ZSCAN25: variants seen among roughly 807,000 people sequenced by gnomAD.
ZSCAN25 encodes zinc finger and SCAN domain-containing protein 25.
A neutral mutation model predicts 38.7 loss-of-function variants in ZSCAN25; 27 were observed. The ratio of observed to expected loss-of-function variants is 0.70; its 90% CI spans 0.51 to 0.96. The LOEUF is 0.96. Ranked by LOEUF, ZSCAN25 falls within the 40% of genes least tolerant of loss-of-function variation. The pLI, the probability that ZSCAN25 is intolerant of heterozygous loss-of-function variation, is 0.00. For missense variants in ZSCAN25, 637 were observed against 705.9 expected (o/e 0.90, Z 1.11); for synonymous variants, 273 against 277.7 (o/e 0.98, Z 0.17).
the ZSCAN25 span, among the ~76,000 whole-genome samples, chr7:99,679,554 A>G: frequency 6.6e-6 from 1 of 152,192 alleles, no homozygotes; most frequent in Non-Finnish European, 1.5e-5. Context: ...AGTCTTCGTC[A>G]GATCTAAGCT....
chr7:99,737,299 C>T, the ZSCAN25 span, among the ~76,000 whole-genome samples: 1 of 152,114 alleles, frequency 6.6e-6, no homozygotes, highest in African/African-American at 2.4e-5. Flanking sequence ...ACCTGCCATT[C>T]CTTGCTAAGC....
At chr7:99,666,633 T>C in the ZSCAN25 span, 1 of 1,613,984 alleles carries the variant, frequency 6.2e-7, no homozygotes, top group Non-Finnish European at 8.5e-7. Context: ...CTTTCTCTGC[T>C]TCCCGCCTCA....
At chr7:99,694,731 A>C in the ZSCAN25 span, among the ~76,000 whole-genome samples, 9 of 146,746 alleles carry the variant, frequency 6.1e-5, no homozygotes, top group Non-Finnish European at 1.2e-4. Context: ...AACAAGCCTC[A>C]GGTATGCGGG....
the ZSCAN25 span, among the ~76,000 whole-genome samples, chr7:99,730,300 A>T: frequency 4.6e-4 from 70 of 152,334 alleles, no homozygotes; most frequent in African/African-American, 1.6e-3. Context: ...TTGTGTAAAA[A>T]ATAAACCCAT....
chr7:99,639,940 G>A, the ZSCAN25 span, among the ~76,000 whole-genome samples: 8 of 152,068 alleles, frequency 5.3e-5, no homozygotes, highest in African/African-American at 1.4e-4. Flanking sequence ...AGTGGCATGC[G>A]TCTGTAGTCC....
the ZSCAN25 span, chr7:99,715,711 T>C: frequency 6.8e-6 from 11 of 1,613,000 alleles, no homozygotes; most frequent in Non-Finnish European, 9.3e-6. Context: ...AATAAAGCAG[T>C]TATTTTTAAG....
At chr7:99,618,808 G>C (rs1806684014) in intron 2 of ZSCAN25, among the ~76,000 whole-genome samples, 157 bp downstream of exon 2, 1 of 152,168 alleles carries the variant, frequency 6.6e-6, no homozygotes, top group Non-Finnish European at 1.5e-5. Flanking sequence ...TCTGGTTTCT[G>C]TCTGCCTCTG....
chr7:99,717,291 A>G, the ZSCAN25 span: 3 of 1,613,638 alleles, frequency 1.9e-6, no homozygotes, highest in East Asian at 2.2e-5. Context: ...AACACCACCC[A>G]TAGTTAAATG....
the ZSCAN25 span, chr7:99,671,949 G>T: frequency 1.5e-6 from 1 of 677,602 alleles, no homozygotes; most frequent in South Asian, 1.6e-5. Context: ...ATGTAAAACT[G>T]GTGAAATCTG....
In ZSCAN25 at chr7:99,629,065, T is replaced by TG; in HGVS notation, c.806-126_806-125insG. On this transcript the variant is annotated intron_variant, in intron 7 of 7. Transcript: ENST00000394152. This position sits in a 1 kb window ranked among gnomAD's most constrained non-coding sequence, Gnocchi z 5.6. ...GAAAAAGAAGTAAGGAAAGCCTGAGTTGAGGTTGTTGGTCAAAGGAAAAAA... is the reference window on the plus strand; with the variant it reads ...GAAAAAGAAGTAAGGAAAGCCTGAGTGTGAGGTTGTTGGTCAAAGGAAAAAA... 3.6e-5 allele frequency: 47 copies of TG among 1,303,718 alleles called. No homozygotes were observed. Among genetic ancestry groups the TG allele is most frequent in the Admixed American group, 1.7e-4 (6 of 35,956 alleles). The allele number at this position is 1,303,718 out of a possible 1,614,324, so 80.8% of individuals were successfully genotyped here.
chr7:99,677,764 A>G, the ZSCAN25 span, among the ~76,000 whole-genome samples: 65 of 152,334 alleles, frequency 4.3e-4, no homozygotes, highest in African/African-American at 1.4e-3. Context: ...TTCCCACTTC[A>G]GTTCCCTCCT....
downstream of ZSCAN25, among the ~76,000 whole-genome samples, chr7:99,633,836 C>T (rs1025807897): frequency 6.6e-6 from 1 of 152,232 alleles, no homozygotes; most frequent in African/African-American, 2.4e-5. Flanking sequence ...TGGACCTTGG[C>T]TCCTGAATCC....
At position 99,622,554 on chromosome 7, in the gene ZSCAN25, C is replaced by T. The variant is rs137966152; in HGVS notation, c.595C>T (p.Pro199Ser). Residue 199 changes from proline (P) to serine (S), a missense_variant, in exon 6 of 8, where the codon CCT becomes TCT. Transcript: ENST00000394152. ...TGCTTTTTGTCCCTGCTCAGCACTA[C>T]CTGTTCTGCAGGCGGGTCCTGGCCT... ...ETRAFQEQAL[P>S]VLQAGPGLPA... 7.1e-4 allele frequency: 1,141 copies of T among 1,614,168 alleles called. No individual in the cohort carries two copies. The highest frequency in any genetic ancestry group is 8.8e-4 in the Non-Finnish European group (1,041 of 1,180,014).
In ZSCAN25 at chr7:99,629,948, A is replaced by G. The variant is rs1562971610; in HGVS notation, c.1563A>G (p.Arg521=). 1.9e-6 allele frequency: 3 copies of G among 1,613,058 alleles called. 1 individual carries two copies. Among genetic ancestry groups the G allele is most frequent in the Non-Finnish European group, 2.5e-6 (3 of 1,179,436 alleles). ...EKPYHCPACG[R]SFNQRSILNR... ...CCTACCACTGTCCTGCCTGCGGGCG[A>G]AGCTTCAACCAGAGGTCCATCCTCA... The change falls in exon 8 of 8, where the codon CGA becomes CGG. Residue 521 remains arginine, a synonymous_variant. Coordinates refer to ENST00000394152, the MANE Select transcript of ZSCAN25 (RefSeq NM_145115.3). This position sits in a 1 kb window ranked among gnomAD's most constrained non-coding sequence, Gnocchi z 5.6.
the ZSCAN25 span, among the ~76,000 whole-genome samples, chr7:99,700,620 G>A: frequency 2.6e-5 from 4 of 152,086 alleles, no homozygotes; most frequent in Admixed American, 6.6e-5. Flanking sequence ...CAGTCCTATT[G>A]TCCTATTTCC....
chr7:99,621,444 G>C lies in ZSCAN25; in HGVS notation c.459G>C (p.Gln153His). 1.3e-6 allele frequency: 2 copies of C among 1,553,324 alleles called. No homozygotes were observed. Among genetic ancestry groups the C allele is most frequent in the Non-Finnish European group, 1.7e-6 (2 of 1,144,834 alleles). Residue 153 changes from glutamine (Q) to histidine (H), a missense_variant, in exon 5 of 8, where the codon CAG becomes CAC. Gln to His is a conservative substitution (Grantham distance 24). Transcript: ENST00000394152. ...GAGGCGCTTGGGAGCCAGGCATCCAGCTGGGGCCAGTGGAGGTCAAGCCTG... is the reference window on the plus strand; with the variant it reads ...GAGGCGCTTGGGAGCCAGGCATCCACCTGGGGCCAGTGGAGGTCAAGCCTG... ...LCRGAWEPGIQLGPVEVKPEW... is the reference protein window; with the variant it reads ...LCRGAWEPGIHLGPVEVKPEW...
chr7:99,629,648 C>T lies in ZSCAN25; in HGVS notation c.1263C>T (p.His421=). ...GCCAGAGACACCACCTGGAGGTGCACCAGCGCAGCCACACTGGGGAGAAGC... is the reference window on the plus strand; with the variant it reads ...GCCAGAGACACCACCTGGAGGTGCATCAGCGCAGCCACACTGGGGAGAAGC... ...TFSQRHHLEV[H]QRSHTGEKPY... The change falls in exon 8 of 8, where the codon CAC becomes CAT. Residue 421 remains histidine, a synonymous_variant. Coordinates refer to ENST00000394152, the MANE Select transcript of ZSCAN25 (RefSeq NM_145115.3). This position sits in a 1 kb window ranked among gnomAD's most constrained non-coding sequence, Gnocchi z 5.6. The T allele has an allele frequency of 6.2e-7, 1 of 1,614,096 alleles. No individual in the cohort carries two copies. The highest frequency in any genetic ancestry group is 8.5e-7 in the Non-Finnish European group (1 of 1,180,036).
At chr7:99,737,398 C>A in the ZSCAN25 span, among the ~76,000 whole-genome samples, 1 of 152,068 alleles carries the variant, frequency 6.6e-6, no homozygotes, top group African/African-American at 2.4e-5. Context: ...CCCAGTGGCA[C>A]CCCCTGGGTT....
At chr7:99,730,679 C>T in the ZSCAN25 span, 2 of 230,658 alleles carry the variant, frequency 8.7e-6, no homozygotes, top group Non-Finnish European at 1.7e-5. Context: ...CTCATGTCCA[C>T]AGATAACAAG....
Sources: allele counts gnomAD v4.1 joint callset (sites outside exome capture counted in the v4.1 genomes callset), GRCh38; gene constraint gnomAD v4.1.1; non-coding constraint Gnocchi (gnomAD v3.1); transcripts MANE v1.5; gene names NCBI Gene and HGNC (gene_info 2026-07-23, HGNC 2026-07-21).